Variants in JAK1 observed in about 807,000 individuals in gnomAD.
JAK1 encodes the protein Janus kinase 1, also known as tyrosine-protein kinase JAK1.
Under a neutral mutation model 136.6 loss-of-function variants are expected in JAK1, and 16 were observed. The ratio of observed to expected loss-of-function variants is 0.12; its 90% CI spans 0.08 to 0.18. JAK1 has a LOEUF of 0.18. Among genes scored for constraint, JAK1 ranks in the 10% least tolerant of loss-of-function variants. JAK1 has a pLI of 1.00. For synonymous variants in JAK1, 492 were observed against 519.5 expected (o/e 0.95, Z 0.72); for missense variants, 859 against 1,450.1 (o/e 0.59, Z 6.62).
At chr1:64,967,853 G>A (rs1013028249), upstream of JAK1, among the ~76,000 whole-genome samples, 4 of 152,120 alleles carry the variant, frequency 2.6e-5, no homozygotes, top group Non-Finnish European at 5.9e-5. Context: ...CAGACAGGGA[G>A]GCAACCCGGG....
chr1:65,007,917 T>G (rs886662545), intron 2 of JAK1, among the ~76,000 whole-genome samples: 1 of 151,400 alleles, frequency 6.6e-6, no homozygotes, highest in African/African-American at 2.4e-5. Flanking sequence ...AGCTAATTTT[T>G]GTATTTTTAG....
intron 2 of JAK1, among the ~76,000 whole-genome samples, chr1:64,884,449 C>G (rs1164414507): frequency 6.6e-6 from 1 of 152,208 alleles, no homozygotes; most frequent in Non-Finnish European, 1.5e-5. Context: ...ATAACACATA[C>G]CAGATCCTCC....
chr1:64,851,169 G>A (rs991440846), intron 11 of JAK1, among the ~76,000 whole-genome samples: 13 of 152,282 alleles, frequency 8.5e-5, no homozygotes, highest in African/African-American at 2.9e-4. Context: ...GGTGTGTGGT[G>A]CTCCAAGGTT....
intron 2 of JAK1, among the ~76,000 whole-genome samples, chr1:65,029,153 G>A (rs1424861121): frequency 6.6e-6 from 1 of 152,004 alleles, no homozygotes; most frequent in African/African-American, 2.4e-5. Context: ...CTAGAGGGCA[G>A]TGGCATGATC....
At chr1:65,052,680 G>C (rs549867108) in intron 1 of JAK1, among the ~76,000 whole-genome samples, 4 of 152,100 alleles carry the variant, frequency 2.6e-5, no homozygotes, top group African/African-American at 9.6e-5. Flanking sequence ...CGGGTGTGGT[G>C]GTGGGTGCCT....
chr1:64,971,508 G>A (rs1646451157), upstream of JAK1, among the ~76,000 whole-genome samples: 1 of 151,862 alleles, frequency 6.6e-6, no homozygotes, highest in Non-Finnish European at 1.5e-5. Context: ...ATCACACTTG[G>A]CTGCTTTTTG....
At chr1:65,042,650 A>C (rs368013392) in intron 2 of JAK1, among the ~76,000 whole-genome samples, 20 of 152,312 alleles carry the variant, frequency 1.3e-4, no homozygotes, top group African/African-American at 4.1e-4. Context: ...AGTACTAGGT[A>C]CCTGTCAAAT....
chr1:64,898,780 T>C (rs1319613276), intron 1 of JAK1, among the ~76,000 whole-genome samples: 1 of 152,222 alleles, frequency 6.6e-6, no homozygotes. Flanking sequence ...CTCTCTGATG[T>C]ATGTCCAGCC....
chr1:64,917,624 G>A (rs1429618413), intron 1 of JAK1, among the ~76,000 whole-genome samples: 1 of 152,082 alleles, frequency 6.6e-6, no homozygotes, highest in African/African-American at 2.4e-5. Flanking sequence ...AATTCCTAAT[G>A]GAATTTGGTT....
At chr1:64,931,967 T>A (rs1425177554) in intron 1 of JAK1, among the ~76,000 whole-genome samples, 1 of 151,674 alleles carries the variant, frequency 6.6e-6, no homozygotes, top group Non-Finnish European at 1.5e-5. Context: ...GGGGGGGGGA[T>A]ATTCAATCAA....
chr1:64,838,652 G>C, intron 20 of JAK1, 63 bp from the exon 21 acceptor site: 1 of 1,576,408 alleles, frequency 6.3e-7, no homozygotes, highest in Non-Finnish European at 8.6e-7. Flanking sequence ...GGAGAGGCAA[G>C]GGCACAGGAT....
intron 1 of JAK1, among the ~76,000 whole-genome samples, chr1:64,887,168 T>C (rs1289813155): frequency 3.3e-5 from 5 of 152,302 alleles, no homozygotes; most frequent in Non-Finnish European, 1.5e-5. Flanking sequence ...TTAGCTCTGG[T>C]GACTGACACT....
chr1:64,947,843 C>T (rs1290368126), intron 1 of JAK1, among the ~76,000 whole-genome samples: 1 of 151,818 alleles, frequency 6.6e-6, no homozygotes, highest in Non-Finnish European at 1.5e-5. Context: ...CCAGAATACT[C>T]TTATACCTCT....
intron 2 of JAK1, among the ~76,000 whole-genome samples, chr1:64,986,470 T>C (rs192790592): frequency 9.1e-4 from 138 of 152,256 alleles, no homozygotes; most frequent in Middle Eastern, 6.8e-3. Context: ...AGACACCTTT[T>C]TCAACCAATG....
intron 7 of JAK1, 53 bp from the exon 8 acceptor site, chr1:64,865,025 T>C: frequency 4.1e-6 from 6 of 1,447,660 alleles, no homozygotes; most frequent in Non-Finnish European, 5.7e-6. Flanking sequence ...CATTTTCTAT[T>C]GGTAAAAGGT....
At chr1:65,011,140 G>A (rs1646845375) in intron 2 of JAK1, among the ~76,000 whole-genome samples, 1 of 152,132 alleles carries the variant, frequency 6.6e-6, no homozygotes, top group Admixed American at 6.6e-5. Context: ...TGGAGGGTGG[G>A]ATTAGAACTG....
At chr1:64,920,745 C>A (rs1253017896) in intron 1 of JAK1, among the ~76,000 whole-genome samples, 1 of 152,084 alleles carries the variant, frequency 6.6e-6, no homozygotes, top group East Asian at 1.9e-4. Context: ...CCTCAGTTTT[C>A]CCCACTGTAA....
At chr1:64,889,475 T>C (rs1338439387) in intron 1 of JAK1, among the ~76,000 whole-genome samples, 1 of 152,208 alleles carries the variant, frequency 6.6e-6, no homozygotes, top group Non-Finnish European at 1.5e-5. Context: ...GGATTACTTT[T>C]GTAGCTCAAT....
intron 10 of JAK1, among the ~76,000 whole-genome samples, 180 bp from the exon 11 acceptor site, chr1:64,855,878 T>A (rs891184988): frequency 7.4e-6 from 1 of 134,292 alleles, no homozygotes; most frequent in African/African-American, 3.3e-5. Context: ...AACCAACAAC[T>A]AACTAAATAA....
Sources: allele counts gnomAD v4.1 joint callset (sites outside exome capture counted in the v4.1 genomes callset), GRCh38; gene constraint gnomAD v4.1.1; transcripts MANE v1.5; gene names NCBI Gene and HGNC (gene_info 2026-07-23, HGNC 2026-07-21).